The following PRKCQ variants were observed in gnomAD, a reference collection of about 807,000 sequenced individuals.
The protein encoded by PRKCQ is protein kinase C theta, also known as protein kinase C theta type.
Under a neutral mutation model 91.2 loss-of-function variants are expected in PRKCQ, and 41 were observed. The observed-to-expected ratio is 0.45, with a 90% CI of 0.35 to 0.58. PRKCQ has a LOEUF of 0.58. PRKCQ is among the 20% of genes least tolerant of loss of function. The pLI, the probability that PRKCQ is intolerant of heterozygous loss-of-function variation, is 0.00. For synonymous variants in PRKCQ, 307 were observed against 316.9 expected (o/e 0.97, Z 0.33); for missense variants, 673 against 896.5 (o/e 0.75, Z 3.18).
intron 1 of PRKCQ, among the ~76,000 whole-genome samples, chr10:6,525,174 G>C (rs1393205941): frequency 6.7e-6 from 1 of 150,200 alleles, no homozygotes; most frequent in East Asian, 1.9e-4. Flanking sequence ...GAGGGTAAGA[G>C]TAGGGGAAGG....
Position 6,456,831 on chromosome 10 carries a change from G to A in PRKCQ, c.1509-19C>T, listed in dbSNP as rs1032239298. 2.5e-6 allele frequency: 4 copies of A among 1,612,658 alleles called. No homozygotes were observed. In the African/African-American group the frequency reaches 4.0e-5, roughly 16 times the overall value. On this transcript the variant is annotated intron_variant, in intron 14 of 17. Transcript: ENST00000263125. Reference sequence around the variant, plus strand: ...CAGGTCCCTGAAAAACAAAAGTGAAGCAAATCTCACATTAATCAATATAAT... The same window carrying A: ...CAGGTCCCTGAAAAACAAAAGTGAAACAAATCTCACATTAATCAATATAAT...
the PRKCQ span, among the ~76,000 whole-genome samples, chr10:6,401,581 C>T: frequency 6.6e-6 from 1 of 151,552 alleles, no homozygotes; most frequent in Non-Finnish European, 1.5e-5. Context: ...AAGTGATTAC[C>T]GCCACCCTTT....
chr10:6,408,097 G>A, the PRKCQ span, among the ~76,000 whole-genome samples: 10 of 128,596 alleles, frequency 7.8e-5, no homozygotes, highest in Non-Finnish European at 9.4e-5. Flanking sequence ...ATCAGGATCC[G>A]GATAAGGGCC....
At chr10:6,551,273 T>C (rs531022468) in intron 1 of PRKCQ, among the ~76,000 whole-genome samples, 1 of 152,220 alleles carries the variant, frequency 6.6e-6, no homozygotes, top group South Asian at 2.1e-4. Flanking sequence ...TCTGTTTCTG[T>C]GTTAGTTTGC....
intron 12 of PRKCQ, among the ~76,000 whole-genome samples, chr10:6,467,381 G>C (rs1564324252): frequency 4.9e-5 from 4 of 81,140 alleles, no homozygotes; most frequent in African/African-American, 1.3e-4. Context: ...GAGACAGAGA[G>C]AGACAGACAG....
chr10:6,483,696 G>T, intron 10 of PRKCQ, 96 bp from the exon 11 acceptor site: 1 of 1,421,500 alleles, frequency 7.0e-7, no homozygotes. Flanking sequence ...TTCCCATGCT[G>T]AGGCTCCATC....
intron 1 of PRKCQ, among the ~76,000 whole-genome samples, chr10:6,523,440 G>A (rs1206216469): frequency 6.6e-6 from 1 of 152,064 alleles, no homozygotes; most frequent in Non-Finnish European, 1.5e-5. Flanking sequence ...GACAAAGCAA[G>A]ACCCTTTTCA....
At chr10:6,529,542 T>C (rs1839317306) in intron 1 of PRKCQ, among the ~76,000 whole-genome samples, 1 of 152,168 alleles carries the variant, frequency 6.6e-6, no homozygotes, top group Non-Finnish European at 1.5e-5. Context: ...GAGAAGGGGA[T>C]CTGAAGCCCC....
intron 1 of PRKCQ, among the ~76,000 whole-genome samples, chr10:6,524,748 GGTGAGGA>G (rs1324382027): frequency 6.6e-6 from 1 of 152,176 alleles, no homozygotes; most frequent in Non-Finnish European, 1.5e-5. Flanking sequence ...GAGAAAAGTG[GGTGAGGA>G]GGGAGGAGGG....
At chr10:6,522,098 C>T (rs565456000) in intron 1 of PRKCQ, among the ~76,000 whole-genome samples, 8 of 152,236 alleles carry the variant, frequency 5.3e-5, no homozygotes, top group East Asian at 3.9e-4. Flanking sequence ...CGTGCCACCA[C>T]GCCCGGCTAA....
chr10:6,548,613 C>A (rs1840059650), intron 1 of PRKCQ, among the ~76,000 whole-genome samples: 1 of 147,170 alleles, frequency 6.8e-6, no homozygotes, highest in African/African-American at 2.5e-5. Flanking sequence ...AATCATCATT[C>A]TCAGTAAACT....
chr10:6,433,563 C>T (rs1038421130), intron 16 of PRKCQ, among the ~76,000 whole-genome samples: 1 of 152,024 alleles, frequency 6.6e-6, no homozygotes, highest in African/African-American at 2.4e-5. Flanking sequence ...AAAAGAAGCA[C>T]CAAGTTCACG....
intron 16 of PRKCQ, among the ~76,000 whole-genome samples, chr10:6,432,619 G>A (rs1235578030): frequency 1.3e-5 from 2 of 152,128 alleles, no homozygotes; most frequent in Admixed American, 6.5e-5. Context: ...TACCCACGTC[G>A]CCTTGGATAA....
At chr10:6,453,224 C>T (rs1476468930) in intron 15 of PRKCQ, among the ~76,000 whole-genome samples, 3 of 151,744 alleles carry the variant, frequency 2.0e-5, no homozygotes, top group Non-Finnish European at 4.4e-5. Context: ...AACAAATTTA[C>T]AAGAAAAAAA....
chr10:6,467,281 G>A (rs1034250297), intron 12 of PRKCQ, among the ~76,000 whole-genome samples: 2 of 151,438 alleles, frequency 1.3e-5, no homozygotes, highest in South Asian at 2.1e-4. Context: ...TGCTGAGAGA[G>A]GATACCAAGC....
At position 6,498,474 on chromosome 10, in the gene PRKCQ, T is replaced by A. The variant is rs745983195; in HGVS notation, c.464A>T (p.His155Leu). Residue 155 changes from histidine to leucine, a missense_variant, in exon 5 of 18, where the codon CAC becomes CTC. Physicochemically the swap from His to Leu is moderately conservative, Grantham distance 99. Transcript: ENST00000263125. ...RRGAIKQAKV[H>L]HVKCHEFTAT... ...AGTGAACTCGTGGCACTTGACGTGGTGGACCTTTGCCTGCTTGATGGCACC... is the reference window on the plus strand; with the variant it reads ...AGTGAACTCGTGGCACTTGACGTGGAGGACCTTTGCCTGCTTGATGGCACC... The A allele has an allele frequency of 6.2e-7, 1 of 1,614,188 alleles. No individual in the cohort carries two copies. The highest frequency in any genetic ancestry group is 8.5e-7 in the Non-Finnish European group (1 of 1,180,030).
At chr10:6,539,813 A>G (rs1351106866) in intron 1 of PRKCQ, among the ~76,000 whole-genome samples, 3 of 152,148 alleles carry the variant, frequency 2.0e-5, no homozygotes, top group Non-Finnish European at 2.9e-5. Context: ...GTCTTTCTTG[A>G]GTATACTGTG....
At chr10:6,502,580 T>A (rs1837976690) in intron 4 of PRKCQ, among the ~76,000 whole-genome samples, 1 of 152,156 alleles carries the variant, frequency 6.6e-6, no homozygotes, top group African/African-American at 2.4e-5. Flanking sequence ...AACACTGCAG[T>A]AGGGGCAGAG....
chr10:6,438,861 G>C (rs1833824353), intron 16 of PRKCQ, among the ~76,000 whole-genome samples: 1 of 152,208 alleles, frequency 6.6e-6, no homozygotes, highest in Non-Finnish European at 1.5e-5. Context: ...GCCTTTCAAA[G>C]GGCGAGGGTT....
Sources: allele counts gnomAD v4.1 joint callset (sites outside exome capture counted in the v4.1 genomes callset), GRCh38; gene constraint gnomAD v4.1.1; transcripts MANE v1.5; gene names NCBI Gene and HGNC (gene_info 2026-07-23, HGNC 2026-07-21).